ANKRD12: variants seen among roughly 807,000 people sequenced by gnomAD.
ANKRD12 encodes ankyrin repeat domain 12.
Under a neutral mutation model 183.4 loss-of-function variants are expected in ANKRD12, and 85 were observed. That is an observed-to-expected ratio of 0.46 (90% CI 0.39 to 0.56). The LOEUF is 0.56. ANKRD12 is among the 20% of genes least tolerant of loss of function. The pLI is 0.00. For missense variants in ANKRD12, 2,405 were observed against 2,357.1 expected, an observed-to-expected ratio of 1.02 and a Z score of -0.42; for synonymous variants, 914 against 800.2, an observed-to-expected ratio of 1.14 and a Z score of -2.40.
At chr18:9,236,575 CAT>C (rs1014580306) in intron 8 of ANKRD12, among the ~76,000 whole-genome samples, 63 of 151,830 alleles carry the variant, frequency 4.1e-4, no homozygotes, top group African/African-American at 1.5e-3. Context: ...ATCTCCAAAA[CAT>C]AGAGCAAAAA....
At chr18:9,227,018 G>T (rs1448426410) in intron 8 of ANKRD12, among the ~76,000 whole-genome samples, 1 of 152,112 alleles carries the variant, frequency 6.6e-6, no homozygotes, top group Admixed American at 6.6e-5. Flanking sequence ...CATTTAACAA[G>T]GAAATGGACA....
Position 9,256,132 on chromosome 18 carries a change from CAGGG to C in ANKRD12, c.2868_2871del (p.Arg956SerfsTer2). On this transcript the variant is annotated frameshift_variant, in exon 9 of 13. Coordinates refer to ENST00000262126, the MANE Select transcript of ANKRD12 (RefSeq NM_015208.5). LOFTEE classifies it high-confidence loss of function. ...AAAAAGGCAAAAATAAAGAAAAAGA[CAGGG>C]AGCTAGATAAAAAGGAAAAATCTAG... 1.9e-6 allele frequency: 3 copies of C among 1,557,156 alleles called. No homozygotes were observed. The highest frequency in any genetic ancestry group is 2.6e-6 in the Non-Finnish European group (3 of 1,161,698).
At chr18:9,171,673 T>A (rs1446117476) in intron 1 of ANKRD12, among the ~76,000 whole-genome samples, 1 of 152,188 alleles carries the variant, frequency 6.6e-6, no homozygotes, top group Non-Finnish European at 1.5e-5. Context: ...TTATTTCTCC[T>A]TTGCTTATTA....
intron 2 of ANKRD12, among the ~76,000 whole-genome samples, chr18:9,189,912 C>CATAG (rs1197356504): frequency 6.6e-6 from 1 of 152,090 alleles, no homozygotes; most frequent in Non-Finnish European, 1.5e-5. Context: ...TTCTGCAGCC[C>CATAG]ATAGGTCAAG....
chr18:9,208,860 A>G, intron 5 of ANKRD12, 57 bp downstream of exon 5: 3 of 1,403,930 alleles, frequency 2.1e-6, no homozygotes, highest in Non-Finnish European at 2.8e-6. Flanking sequence ...AGGCAACTGT[A>G]GTCTCGTCTT....
Position 9,254,342 on chromosome 18 carries a change from G to C in ANKRD12, c.1075G>C (p.Asp359His). The C allele has an allele frequency of 1.2e-6, 2 of 1,612,946 alleles. No homozygotes were observed. The highest frequency in any genetic ancestry group is 1.7e-6 in the Non-Finnish European group (2 of 1,179,450). The change falls in exon 9 of 13, where the codon GAT becomes CAT. Residue 359 changes from aspartate (D) to histidine (H), a missense_variant. By Grantham distance (81) the Asp-to-His change is moderately conservative. Around this residue, in one of 7 missense-constraint regions of ANKRD12, gnomAD observed 1,983 missense variants for 1,725.9 expected, o/e 1.15. Transcript: ENST00000262126. ...PSKTPLPSAL[D>H]EYEFKDDDDE... Reference sequence around the variant, plus strand: ...TAAAACACCTCTTCCATCTGCCCTTGATGAGTATGAGTTCAAAGATGATGA... The same window carrying C: ...TAAAACACCTCTTCCATCTGCCCTTCATGAGTATGAGTTCAAAGATGATGA...
intron 10 of ANKRD12, among the ~76,000 whole-genome samples, chr18:9,269,912 A>G (rs1475208193): frequency 2.0e-5 from 3 of 152,214 alleles, no homozygotes; most frequent in Non-Finnish European, 4.4e-5. Flanking sequence ...ATGAACTCAA[A>G]CAGATTTACA....
At chr18:9,205,489 A>T (rs2035436025) in intron 4 of ANKRD12, among the ~76,000 whole-genome samples, 1 of 152,086 alleles carries the variant, frequency 6.6e-6, no homozygotes, top group African/African-American at 2.4e-5. Context: ...AAATTATCCC[A>T]AAAGTTTTAA....
intron 6 of ANKRD12, among the ~76,000 whole-genome samples, chr18:9,212,365 A>T (rs1240973265): frequency 2.0e-5 from 3 of 151,874 alleles, no homozygotes; most frequent in Non-Finnish European, 4.4e-5. Flanking sequence ...CATTTTTATT[A>T]TATATGTATA....
chr18:9,256,558 A>C lies in ANKRD12; in HGVS notation c.3291A>C (p.Lys1097Asn). 2 of 1,597,092 alleles carry C rather than the reference A, an allele frequency of 1.3e-6. No homozygotes were observed. Among genetic ancestry groups the C allele is most frequent in the Non-Finnish European group, 1.7e-6 (2 of 1,176,084 alleles). Residue 1097 changes from lysine (K) to asparagine (N), a missense_variant, in exon 9 of 13, where the codon AAA (lysine) becomes AAC (asparagine). Physicochemically the swap from Lys to Asn is moderately conservative, Grantham distance 94. Coordinates refer to ENST00000262126, the MANE Select transcript of ANKRD12 (RefSeq NM_015208.5). ...KDLEIEQWHK[K>N]HKEKIKQKEK... ...TAGAAATAGAACAGTGGCACAAAAA[A>C]CATAAGGAAAAAATTAAGCAAAAAG...
chr18:9,265,827 TAAAG>T (rs1306785791), intron 10 of ANKRD12, among the ~76,000 whole-genome samples: 1 of 151,744 alleles, frequency 6.6e-6, no homozygotes, highest in Non-Finnish European at 1.5e-5. Flanking sequence ...TACTCCGAGA[TAAAG>T]GAGGAAGTTC....
chr18:9,254,607 C>T lies in ANKRD12; in HGVS notation c.1340C>T (p.Pro447Leu). The T allele has an allele frequency of 6.3e-7, 1 of 1,585,074 alleles. No individual in the cohort carries two copies. The highest frequency in any genetic ancestry group is 8.6e-7 in the Non-Finnish European group (1 of 1,169,276). Residue 447 changes from proline to leucine, a missense_variant, in exon 9 of 13, where the codon CCT (proline) becomes CTT (leucine). Transcript: ENST00000262126. ...KKISTSCSVI[P>L]ETSNSDMQTK... ...ATTTCTACTTCATGTTCCGTCATCC[C>T]TGAAACATCAAATTCTGATATGCAA...
chr18:9,277,749 AAG>A, intron 11 of ANKRD12, among the ~76,000 whole-genome samples: 1 of 133,156 alleles, frequency 7.5e-6, no homozygotes, highest in Non-Finnish European at 1.7e-5. Context: ...AATTTCTGAT[AAG>A]ATTTAAAATA....
Position 9,282,390 on chromosome 18 carries a change from A to G in ANKRD12, c.*1264A>G, listed in dbSNP as rs536819160. The G allele has an allele frequency of 6.6e-6, 1 of 152,570 alleles. No individual in the cohort carries two copies. The highest frequency in any genetic ancestry group is 2.4e-5 in the African/African-American group (1 of 41,460). The allele number at this position is 152,570 out of a possible 1,614,324, so 9.5% of individuals were successfully genotyped here. On this transcript the variant is annotated 3_prime_UTR_variant, in exon 13 of 13. Coordinates refer to ENST00000262126, the MANE Select transcript of ANKRD12 (RefSeq NM_015208.5). ...GTTGTATTTTTTTCCTTGTATCAAG[A>G]TGCAAAACATAATTTGCAAAATTTT... is the stretch of plus-strand genomic sequence containing the variant.
rs115973900 is a variant in ANKRD12 at position 9,221,875 on chromosome 18, C to T, written c.819C>T (p.His273=). The T allele has an allele frequency of 5.0e-5, 80 of 1,613,696 alleles. No individual in the cohort carries two copies. The East Asian group carries it at 1.3e-3, about 26-fold the overall frequency. ...HRDIVKLLLR[H]GGNPFQANKH... ...AGATAGTAAAGCTGTTACTTCGTCA[C>T]GGTGGAAATCCATTTCAAGCTAATA... The change falls in exon 8 of 13, where the codon CAC becomes CAT. Residue 273 remains histidine, a synonymous_variant. Coordinates refer to ENST00000262126, the MANE Select transcript of ANKRD12 (RefSeq NM_015208.5).
chr18:9,149,793 A>ATTTTTTTTTTTTTTTTT (rs11403682), intron 1 of ANKRD12, among the ~76,000 whole-genome samples: 1 of 145,056 alleles, frequency 6.9e-6, no homozygotes. Context: ...TATTTATTAA[A>ATTTTTTTTTTTTTTTTT]TTTTATTTTT....
intron 2 of ANKRD12, among the ~76,000 whole-genome samples, chr18:9,187,508 A>C (rs895850010): frequency 2.6e-5 from 4 of 152,208 alleles, no homozygotes; most frequent in Non-Finnish European, 5.9e-5. Context: ...CTAAATTAAT[A>C]AAATAACCTA....
intron 3 of ANKRD12, among the ~76,000 whole-genome samples, chr18:9,201,658 C>T (rs144467049): frequency 2.0e-3 from 306 of 152,208 alleles, no homozygotes; most frequent in African/African-American, 7.1e-3. Flanking sequence ...ACATGTTTTT[C>T]TTTAGGTTGA....
chr18:9,266,119 A>G (rs2039277315), intron 10 of ANKRD12, among the ~76,000 whole-genome samples: 1 of 152,244 alleles, frequency 6.6e-6, no homozygotes, highest in Non-Finnish European at 1.5e-5. Flanking sequence ...GGCTATGTGA[A>G]AAGACCAAAT....
Sources: gnomAD v4.1 joint callset for allele counts (sites outside exome capture counted in the v4.1 genomes callset) on GRCh38, gnomAD v4.1.1 for gene constraint, gnomAD v4.1.1 regional missense constraint, MANE v1.5 for transcripts, NCBI Gene and HGNC (gene_info 2026-07-23, HGNC 2026-07-21) for gene names.